Variants in DCBLD1 observed in about 807,000 individuals in gnomAD.
The protein encoded by DCBLD1 is discoidin, CUB and LCCL domain-containing protein 1.
DCBLD1 carries 57 observed loss-of-function variants against 71.5 expected under a neutral mutation model. That is an observed-to-expected ratio of 0.80 (90% CI 0.64 to 0.99). The LOEUF (loss-of-function observed/expected upper bound fraction) is 0.99, where lower values mean the gene tolerates loss of function less well. Among genes scored for constraint, DCBLD1 ranks in the 50% least tolerant of loss-of-function variants. The probability of loss-of-function intolerance (pLI) is 0.00; values close to 1 mark genes in which losing one functional copy is unlikely to be tolerated. For missense variants in DCBLD1, 891 were observed against 923.5 expected (o/e 0.96, Z 0.46); for synonymous variants, 380 against 363.8 (o/e 1.04, Z -0.51).
intron 11 of DCBLD1, 140 bp downstream of exon 11, chr6:117,541,165 AATG>A: frequency 1.4e-6 from 1 of 696,142 alleles, no homozygotes; most frequent in South Asian, 1.9e-5. Flanking sequence ...ACATATGTAA[AATG>A]ATGTATGTTT....
At chr6:117,526,946 T>C (rs1261690643) in intron 5 of DCBLD1, among the ~76,000 whole-genome samples, 1 of 152,234 alleles carries the variant, frequency 6.6e-6, no homozygotes, top group African/African-American at 2.4e-5. Flanking sequence ...CAGCTGGGGC[T>C]GCAATCTCAT....
chr6:117,482,970 C>CT (rs1175033462), intron 1 of DCBLD1, 77 bp downstream of exon 1: 9 of 601,924 alleles, frequency 1.5e-5, no homozygotes, highest in Non-Finnish European at 1.8e-5. Context: ...CGGGCCGGGC[C>CT]GGGCCGAGGG....
At chr6:117,527,524 G>A (rs934559044) in intron 5 of DCBLD1, among the ~76,000 whole-genome samples, 10 of 152,312 alleles carry the variant, frequency 6.6e-5, no homozygotes, top group South Asian at 6.2e-4. Flanking sequence ...TTGTCTTACA[G>A]AGCTATTATA....
intron 1 of DCBLD1, among the ~76,000 whole-genome samples, chr6:117,501,204 A>G (rs1777646139): frequency 1.3e-5 from 2 of 152,218 alleles, no homozygotes; most frequent in Non-Finnish European, 2.9e-5. Context: ...AAGGTAGGGC[A>G]GGTAACAGAA....
In DCBLD1 at chr6:117,545,549, GAGA is replaced by G; in HGVS notation, c.1570_1572del (p.Lys524del). ...TGAGTTTACCATCAGCTATGATAAT[GAGA>G]AGGAGATGACACAAAAGTTAGATCT... is the stretch of plus-strand genomic sequence containing the variant. On this transcript the variant is annotated inframe_deletion, in exon 14 of 15. Transcript: ENST00000338728. 2 of 1,614,128 alleles carry G rather than the reference GAGA, an allele frequency of 1.2e-6. No individual in the cohort carries two copies. Among genetic ancestry groups the G allele is most frequent in the South Asian group, 2.2e-5 (2 of 91,040 alleles).
chr6:117,547,798 C>T (rs990580138), intron 14 of DCBLD1, 109 bp from the exon 15 acceptor site: 31 of 1,542,898 alleles, frequency 2.0e-5, no homozygotes, highest in Non-Finnish European at 2.6e-5. Flanking sequence ...CTGAGGGCAC[C>T]CGGGGGGAAA....
rs553919127 is a variant in DCBLD1 at position 117,524,603 on chromosome 6, G to A, written c.513-759G>A. The stretch of plus-strand genomic sequence containing the variant: ...ATCTAATACGGTAGCCACTAGCCAC[G>A]GGTACCTAATGAGCACTTGAACTGT... On this transcript the variant is annotated intron_variant, in intron 4 of 14. Transcript: ENST00000338728. Among the ~76,000 whole-genome samples, 8 of 152,180 alleles carry A rather than the reference G, an allele frequency of 5.3e-5. No homozygotes were observed. The South Asian group carries it at 8.3e-4, about 16-fold the overall frequency.
At chr6:117,540,575 G>A (rs1779056935) in intron 9 of DCBLD1, 93 bp from the exon 10 acceptor site, 2 of 1,477,008 alleles carry the variant, frequency 1.4e-6, no homozygotes, top group Admixed American at 3.8e-5. Context: ...TAGAATCCTT[G>A]CCTTGGTTTC....
intron 1 of DCBLD1, among the ~76,000 whole-genome samples, chr6:117,485,549 C>G (rs117456524): frequency 1.7e-4 from 26 of 152,182 alleles, no homozygotes; most frequent in African/African-American, 6.3e-4. Flanking sequence ...AGTGTGTGCA[C>G]TCACCCTTCT....
intron 12 of DCBLD1, 155 bp from the exon 13 acceptor site, chr6:117,544,373 T>G (rs1583031734): frequency 1.8e-6 from 1 of 547,628 alleles, no homozygotes; most frequent in African/African-American, 1.9e-5. Flanking sequence ...TCTACATATT[T>G]GTATGATTTT....
intron 11 of DCBLD1, among the ~76,000 whole-genome samples, chr6:117,541,386 T>C (rs1365603544): frequency 2.6e-5 from 4 of 151,762 alleles, no homozygotes; most frequent in African/African-American, 9.7e-5. Flanking sequence ...TTAAAAAAAA[T>C]AAGCAAAATA....
At chr6:117,545,671 A>G in intron 14 of DCBLD1, 74 bp downstream of exon 14, 1 of 1,541,626 alleles carries the variant, frequency 6.5e-7, no homozygotes. Flanking sequence ...CAGGAGAGAA[A>G]TAAGGCAAAA....
At chr6:117,564,580 G>A (rs1055786023) in intron 14 of DCBLD1, among the ~76,000 whole-genome samples, 2 of 152,084 alleles carry the variant, frequency 1.3e-5, no homozygotes, top group Admixed American at 1.3e-4. Context: ...ATAGACGTGT[G>A]AAACAATAAC....
intron 2 of DCBLD1, among the ~76,000 whole-genome samples, chr6:117,518,694 C>T (rs1272979708): frequency 6.6e-6 from 1 of 152,092 alleles, no homozygotes; most frequent in Admixed American, 6.6e-5. Flanking sequence ...CAGGGGAACT[C>T]CTTTTTTAAA....
intron 1 of DCBLD1, among the ~76,000 whole-genome samples, chr6:117,488,976 A>G (rs757461112): frequency 6.6e-6 from 1 of 152,228 alleles, no homozygotes; most frequent in Non-Finnish European, 1.5e-5. Context: ...CTTAGGAGCT[A>G]CATGCTGTGT....
chr6:117,519,735 T>C (rs1363514641), intron 2 of DCBLD1, 81 bp from the exon 3 acceptor site: 5 of 1,551,336 alleles, frequency 3.2e-6, no homozygotes, highest in African/African-American at 2.7e-5. Context: ...AATTTGGCCT[T>C]TCAAGGAAAA....
Position 117,540,737 on chromosome 6 carries a change from T to C in DCBLD1, c.1171T>C (p.Tyr391His), listed in dbSNP as rs751843774. Residue 391 changes from tyrosine to histidine, a missense_variant, in exon 10 of 15, where the codon TAT (tyrosine) becomes CAT (histidine). Coordinates refer to ENST00000338728, the MANE Select transcript of DCBLD1 (RefSeq NM_001366458.2). ...NNFIPPIVAR[Y>H]VRVVPQTWHQ... is the part of the protein sequence containing the mutation. Reference sequence around the variant, plus strand: ...TTTCATCCCTCCCATCGTGGCCAGATATGTGCGGGTTGTCCCCCAGACATG... The same window carrying C: ...TTTCATCCCTCCCATCGTGGCCAGACATGTGCGGGTTGTCCCCCAGACATG... The C allele has an allele frequency of 6.2e-7, 1 of 1,614,202 alleles. No individual in the cohort carries two copies. Among genetic ancestry groups the C allele is most frequent in the South Asian group, 1.1e-5 (1 of 91,084 alleles).
At chr6:117,537,662 CTTTTTTTTTTTT>C (rs68032011) in intron 7 of DCBLD1, among the ~76,000 whole-genome samples, 21 of 46,880 alleles carry the variant, frequency 4.5e-4, no homozygotes, top group Non-Finnish European at 5.9e-4. Flanking sequence ...TACATAGCAC[CTTTTTTTTTTTT>C]TTTTTTTTTT....
At position 117,487,796 on chromosome 6, in the gene DCBLD1, C is replaced by A. The variant is rs142993299; in HGVS notation, c.112+4903C>A. On this transcript the variant is annotated intron_variant, in intron 1 of 14. Transcript: ENST00000338728. Reference sequence around the variant, plus strand: ...GAAGGGAAAAATACAGCCAGAATTTCAGATTTTTTTTTTTTTCATTAGACT... The same window carrying A: ...GAAGGGAAAAATACAGCCAGAATTTAAGATTTTTTTTTTTTTCATTAGACT... 4.7e-3 allele frequency among the ~76,000 whole-genome samples: 705 copies of A among 151,036 alleles called. 3 individuals are homozygous for A. The highest frequency in any genetic ancestry group is 0.021 in the Middle Eastern group (6 of 292).
Sources: gnomAD v4.1 joint callset for allele counts (sites outside exome capture counted in the v4.1 genomes callset) on GRCh38, gnomAD v4.1.1 for gene constraint, MANE v1.5 for transcripts, NCBI Gene and HGNC (gene_info 2026-07-23, HGNC 2026-07-21) for gene names.